GPR63: variants seen among roughly 807,000 people sequenced by gnomAD.
GPR63 encodes probable G protein-coupled receptor 63.
GPR63 carries 12 observed loss-of-function variants against 23.1 expected under a neutral mutation model. The observed-to-expected ratio is 0.52, with a 90% CI of 0.33 to 0.84. The LOEUF (loss-of-function observed/expected upper bound fraction) is 0.84, where lower values mean the gene tolerates loss of function less well. Ranked by LOEUF, GPR63 falls within the 40% of genes least tolerant of loss-of-function variation. The pLI, the probability that GPR63 is intolerant of heterozygous loss-of-function variation, is 0.02. For missense variants in GPR63, 472 were observed against 515.6 expected (o/e 0.92, Z 0.82); for synonymous variants, 172 against 191.1 (o/e 0.90, Z 0.82).
In GPR63 at chr6:96,798,552, G is replaced by A. The variant is rs370058383; in HGVS notation, c.1180C>T (p.Pro394Ser). The A allele has an allele frequency of 6.8e-6, 11 of 1,614,112 alleles. No individual in the cohort carries two copies. The highest frequency in any genetic ancestry group is 1.3e-5 in the African/African-American group (1 of 74,950). Residue 394 changes from proline to serine, a missense_variant, in exon 2 of 2, where the codon CCG (proline) becomes TCG (serine). Pro to Ser is a moderately conservative substitution (Grantham distance 74). Transcript: ENST00000229955. ...CGCTTTGTGTGACCAGGGAGCTGCG[G>A]CAAAAACTTGAAGGACTTAGGCATC... is the stretch of plus-strand genomic sequence containing the variant. ...DMMPKSFKFLPQLPGHTKRRI... is the reference protein window; with the variant it reads ...DMMPKSFKFLSQLPGHTKRRI...
In GPR63 at chr6:96,815,371, G is replaced by A. The variant is rs149797123; in HGVS notation, c.-150-15490C>T. 3.9e-5 allele frequency among the ~76,000 whole-genome samples: 6 copies of A among 152,300 alleles called. No individual in the cohort carries two copies. The East Asian group carries it at 1.2e-3, about 29-fold the overall frequency. On this transcript the variant is annotated intron_variant, in intron 1 of 1. Coordinates refer to ENST00000229955, the MANE Select transcript of GPR63 (RefSeq NM_030784.4). ...CTACTTATAGGAAGTATCCAAAATA[G>A]TCAAACTCATAGAAGCAGAGAATAA...
intron 1 of GPR63, among the ~76,000 whole-genome samples, chr6:96,832,398 G>A (rs1482440615): frequency 6.6e-6 from 1 of 151,742 alleles, no homozygotes; most frequent in East Asian, 1.9e-4. Context: ...GCAAGTAGCT[G>A]GGACCACAAC....
Position 96,797,595 on chromosome 6 carries a change from GCCT to G in GPR63, c.*874_*876del, listed in dbSNP as rs1773624137. The G allele has an allele frequency of 6.6e-6, 1 of 152,112 alleles. No individual in the cohort carries two copies. The highest frequency in any genetic ancestry group is 6.5e-5 in the Admixed American group (1 of 15,270). The allele number at this position is 152,112 out of a possible 1,614,324, so 9.4% of individuals were successfully genotyped here. ...CTGTAAGGATAAAATGATGCACAGT[GCCT>G]GACACATAGGTGTCCATAAATATCA... On this transcript the variant is annotated 3_prime_UTR_variant, in exon 2 of 2. Transcript: ENST00000229955.
At chr6:96,827,384 T>C (rs1774470332) in intron 1 of GPR63, among the ~76,000 whole-genome samples, 1 of 151,866 alleles carries the variant, frequency 6.6e-6, no homozygotes, top group African/African-American at 2.4e-5. Context: ...AGAGATGAAC[T>C]AAGGAAGAAA....
intron 1 of GPR63, among the ~76,000 whole-genome samples, chr6:96,807,144 T>C (rs1773915311): frequency 6.6e-6 from 1 of 152,232 alleles, no homozygotes; most frequent in Non-Finnish European, 1.5e-5. Context: ...AAATAGCAAC[T>C]TTCAAAAGAA....
intron 1 of GPR63, among the ~76,000 whole-genome samples, chr6:96,822,349 T>C (rs1030379029): frequency 3.9e-5 from 6 of 152,180 alleles, no homozygotes; most frequent in South Asian, 2.1e-4. Context: ...AAAATAATTA[T>C]GGTTAACTTG....
chr6:96,830,034 G>A (rs1018854524), intron 1 of GPR63, among the ~76,000 whole-genome samples: 4 of 152,088 alleles, frequency 2.6e-5, no homozygotes, highest in African/African-American at 9.7e-5. Context: ...GTGAGCAAAT[G>A]AAGCAAGCAT....
intron 1 of GPR63, among the ~76,000 whole-genome samples, chr6:96,831,134 C>A (rs939154022): frequency 6.6e-6 from 1 of 152,098 alleles, no homozygotes; most frequent in Non-Finnish European, 1.5e-5. Flanking sequence ...GATGACTATA[C>A]AGGAAATGAC....
At chr6:96,803,997 ACAC>A (rs564543434) in intron 1 of GPR63, among the ~76,000 whole-genome samples, 4 of 152,380 alleles carry the variant, frequency 2.6e-5, no homozygotes, top group East Asian at 1.9e-4. Context: ...TTATACAAAC[ACAC>A]CACATGTATG....
chr6:96,805,445 T>G (rs1363076326), intron 1 of GPR63, among the ~76,000 whole-genome samples: 1 of 152,196 alleles, frequency 6.6e-6, no homozygotes, highest in Non-Finnish European at 1.5e-5. Context: ...ACACTGGGGA[T>G]TCCATTTCAA....
intron 1 of GPR63, among the ~76,000 whole-genome samples, chr6:96,820,144 T>C (rs1171142245): frequency 7.5e-6 from 1 of 133,946 alleles, no homozygotes; most frequent in East Asian, 2.3e-4. Context: ...ATTATAAATA[T>C]ATGTTAATAT....
chr6:96,800,998 T>C (rs1273858906), intron 1 of GPR63, among the ~76,000 whole-genome samples: 3 of 152,190 alleles, frequency 2.0e-5, no homozygotes, highest in Non-Finnish European at 4.4e-5. Flanking sequence ...TAAGGGACTT[T>C]CTTTATCTGC....
intron 1 of GPR63, among the ~76,000 whole-genome samples, chr6:96,831,196 G>C (rs971011477): frequency 6.6e-6 from 1 of 152,134 alleles, no homozygotes; most frequent in Non-Finnish European, 1.5e-5. Flanking sequence ...GTGGGCAAGA[G>C]GGCAGATGGC....
At chr6:96,810,182 TA>T (rs1774004800) in intron 1 of GPR63, among the ~76,000 whole-genome samples, 1 of 152,186 alleles carries the variant, frequency 6.6e-6, no homozygotes, top group Admixed American at 6.5e-5. Context: ...AACATCTTTT[TA>T]ATACTCATCA....
At chr6:96,812,650 C>A (rs1407930225) in intron 1 of GPR63, among the ~76,000 whole-genome samples, 1 of 152,038 alleles carries the variant, frequency 6.6e-6, no homozygotes, top group Non-Finnish European at 1.5e-5. Flanking sequence ...TAAGTCCTAT[C>A]GGTGATAGGT....
At chr6:96,826,314 T>G (rs566156485) in intron 1 of GPR63, among the ~76,000 whole-genome samples, 8 of 152,178 alleles carry the variant, frequency 5.3e-5, no homozygotes, top group African/African-American at 1.9e-4. Context: ...TGGTAATAAC[T>G]TTCTAAAAAA....
chr6:96,806,990 A>G (rs9374118), intron 1 of GPR63, among the ~76,000 whole-genome samples: 48,110 of 152,208 alleles, frequency 0.32, 7,886 homozygotes, highest in African/African-American at 0.39. Context: ...GTAAGGGCAC[A>G]GCAGAGAAAA....
intron 1 of GPR63, among the ~76,000 whole-genome samples, chr6:96,813,295 T>C (rs1774088565): frequency 6.6e-6 from 1 of 152,192 alleles, no homozygotes; most frequent in Non-Finnish European, 1.5e-5. Flanking sequence ...ACTGCTATGA[T>C]AAACATGCAA....
intron 1 of GPR63, among the ~76,000 whole-genome samples, chr6:96,834,977 T>C (rs770393887): frequency 2.0e-5 from 3 of 152,198 alleles, no homozygotes; most frequent in Admixed American, 2.0e-4. Context: ...AAGGTTATTT[T>C]TGAAGTATTA....
Sources: allele counts gnomAD v4.1 joint callset (sites outside exome capture counted in the v4.1 genomes callset), GRCh38; gene constraint gnomAD v4.1.1; transcripts MANE v1.5; gene names NCBI Gene and HGNC (gene_info 2026-07-23, HGNC 2026-07-21).